Variants in GCNT4 observed in about 807,000 individuals in gnomAD.
GCNT4 encodes the protein beta-1,3-galactosyl-O-glycosyl-glycoprotein beta-1,6-N-acetylglucosaminyltransferase 4.
Under a neutral mutation model 31.3 loss-of-function variants are expected in GCNT4, and 17 were observed. That is an observed-to-expected ratio of 0.54 (90% CI 0.37 to 0.81). GCNT4 has a LOEUF of 0.81. GCNT4 is among the 40% of genes least tolerant of loss of function. GCNT4 has a pLI of 0.00. For synonymous variants in GCNT4, 158 were observed against 190.6 expected (o/e 0.83, Z 1.41); for missense variants, 503 against 525.5 (o/e 0.96, Z 0.42).
In GCNT4 at chr5:75,029,060, G is replaced by T. The variant is rs781625276; in HGVS notation, c.978C>A (p.Ala326=). Residue 326 remains alanine (A), a synonymous_variant, in exon 4 of 4, where the codon GCC becomes GCA. Transcript: ENST00000652361. The stretch of plus-strand genomic sequence containing the variant: ...CAGGAGAGTATGTGTCTTTAGACCA[G>T]GCAAAAAAGTCTTGAACGATGGAGT... The part of the protein sequence containing the change: ...FNNSIVQDFF[A]WSKDTYSPDE... 7.4e-6 allele frequency: 12 copies of T among 1,614,056 alleles called. No individual in the cohort carries two copies. The highest frequency in any genetic ancestry group is 9.3e-6 in the Non-Finnish European group (11 of 1,179,992).
intron 3 of GCNT4, among the ~76,000 whole-genome samples, chr5:75,046,520 G>T (rs1376732151): frequency 6.6e-6 from 1 of 152,152 alleles, no homozygotes; most frequent in Non-Finnish European, 1.5e-5. Flanking sequence ...AGATCTTGTA[G>T]ATGACCATGA....
upstream of GCNT4, among the ~76,000 whole-genome samples, chr5:75,053,924 C>T (rs538637161): frequency 6.6e-6 from 1 of 152,290 alleles, no homozygotes; most frequent in South Asian, 2.1e-4. Flanking sequence ...AAGTCGCTCA[C>T]AAGGCAGTGA....
chr5:75,039,276 C>A (rs55678791), intron 3 of GCNT4, among the ~76,000 whole-genome samples: 35,705 of 151,818 alleles, frequency 0.24, 5,043 homozygotes, highest in African/African-American at 0.4. Flanking sequence ...TATTTTTAGT[C>A]GAGACGGGGG....
Position 75,028,226 on chromosome 5 carries a change from T to TAGATCTCGG in GCNT4, c.*449_*450insCCGAGATCT. 1.9e-5 allele frequency: 3 copies of TAGATCTCGG among 156,142 alleles called. No homozygotes were observed. Among genetic ancestry groups the TAGATCTCGG allele is most frequent in the East Asian group, 1.9e-4 (1 of 5,252 alleles). The allele number at this position is 156,142 out of a possible 1,614,324, so 9.7% of individuals were successfully genotyped here. A position where few individuals can be genotyped will look rare whatever the true frequency, so the allele number is the denominator to read the frequency against. ...GCTGAGTTAAGAGACAAGTGGAGTG[T>TAGATCTCGG]TGGTCACAGTACTTAAACACTACTC... On this transcript the variant is annotated 3_prime_UTR_variant, in exon 4 of 4. Transcript: ENST00000652361.
intron 3 of GCNT4, among the ~76,000 whole-genome samples, chr5:75,040,267 C>G (rs900596435): frequency 6.6e-6 from 1 of 151,976 alleles, no homozygotes; most frequent in Non-Finnish European, 1.5e-5. Flanking sequence ...CAACCTCCGC[C>G]TCCCAGATTA....
chr5:75,044,215 C>G (rs1580245227), intron 3 of GCNT4, among the ~76,000 whole-genome samples: 2 of 152,106 alleles, frequency 1.3e-5, no homozygotes, highest in South Asian at 4.2e-4. Context: ...GCTATCAGTA[C>G]CATGTAGATA....
intron 3 of GCNT4, among the ~76,000 whole-genome samples, chr5:75,035,719 C>A (rs1743182847): frequency 6.6e-6 from 1 of 152,202 alleles, no homozygotes; most frequent in African/African-American, 2.4e-5. Context: ...GGTTTCAAAC[C>A]TCCCTGGGAT....
the GCNT4 span, among the ~76,000 whole-genome samples, chr5:75,018,521 C>T: frequency 5.9e-5 from 9 of 152,100 alleles, no homozygotes; most frequent in Admixed American, 5.9e-4. Context: ...ACCTCGTGAC[C>T]TGCCACCTTG....
At position 75,047,989 on chromosome 5, in the gene GCNT4, A is replaced by G. The variant is rs1490041386; in HGVS notation, c.-94T>C. On this transcript the variant is annotated 5_prime_UTR_variant, in exon 3 of 4. Transcript: ENST00000652361. ...GTCAGTTACTGAGGAGGTGCTACAG[A>G]TGGCTGTACTGGGACAGTGACCGAG... 3.9e-5 allele frequency: 6 copies of G among 152,180 alleles called. No homozygotes were observed. The highest frequency in any genetic ancestry group is 8.8e-5 in the Non-Finnish European group (6 of 68,024). The allele number at this position is 152,180 out of a possible 1,614,324, so 9.4% of individuals were successfully genotyped here. A position where few individuals can be genotyped will look rare whatever the true frequency, so the allele number is the denominator to read the frequency against.
chr5:75,041,310 G>A (rs1418086424), intron 3 of GCNT4, among the ~76,000 whole-genome samples: 1 of 152,210 alleles, frequency 6.6e-6, no homozygotes, highest in Non-Finnish European at 1.5e-5. Context: ...AGTGAGACTG[G>A]CTCAGCTCAG....
chr5:75,024,776 CCT>C (rs1742921976), downstream of GCNT4, among the ~76,000 whole-genome samples: 1 of 151,734 alleles, frequency 6.6e-6, no homozygotes, highest in Admixed American at 6.6e-5. Flanking sequence ...ATAGTGAAAC[CCT>C]GTCTCTACTA....
chr5:75,053,325 G>A (rs1370628073), upstream of GCNT4, among the ~76,000 whole-genome samples: 5 of 151,982 alleles, frequency 3.3e-5, no homozygotes, highest in Non-Finnish European at 5.9e-5. Context: ...CCGGTTCCCC[G>A]CGCGGCTCCG....
At chr5:75,019,453 G>A in the GCNT4 span, among the ~76,000 whole-genome samples, 1 of 152,180 alleles carries the variant, frequency 6.6e-6, no homozygotes, top group Non-Finnish European at 1.5e-5. Flanking sequence ...GCATATTAAT[G>A]CTCACCAGGA....
chr5:75,033,675 T>A (rs981589331), intron 3 of GCNT4, among the ~76,000 whole-genome samples: 6 of 117,848 alleles, frequency 5.1e-5, no homozygotes, highest in Non-Finnish European at 7.3e-5. Context: ...ATTTATTTAT[T>A]TTTTTTTTTT....
chr5:75,023,376 T>C (rs1437374986), downstream of GCNT4, among the ~76,000 whole-genome samples: 1 of 152,168 alleles, frequency 6.6e-6, no homozygotes, highest in Admixed American at 6.5e-5. Flanking sequence ...AGAAGTTGAT[T>C]TATAACAAAC....
the GCNT4 span, among the ~76,000 whole-genome samples, chr5:75,019,936 T>C: frequency 6.6e-6 from 1 of 152,176 alleles, no homozygotes; most frequent in African/African-American, 2.4e-5. Context: ...CAAAGACACA[T>C]ATGATACAGT....
downstream of GCNT4, chr5:75,025,240 T>A (rs1015054516): frequency 6.6e-6 from 1 of 152,186 alleles, no homozygotes; most frequent in African/African-American, 2.4e-5. Flanking sequence ...TACACTGAAG[T>A]GAAATAAACT....
the GCNT4 span, among the ~76,000 whole-genome samples, chr5:75,018,140 G>C: frequency 6.6e-6 from 1 of 152,288 alleles, no homozygotes; most frequent in Admixed American, 6.5e-5. Flanking sequence ...AATTATTGTT[G>C]TTCTCTTGAA....
rs202187660 is a variant in GCNT4 at position 75,031,149 on chromosome 5, A to G, written c.-1-1111T>C. Among the ~76,000 whole-genome samples, 4 of 151,806 alleles carry G rather than the reference A, an allele frequency of 2.6e-5. No homozygotes were observed. In the East Asian group the frequency reaches 7.7e-4, roughly 29 times the overall value. On this transcript the variant is annotated intron_variant, in intron 3 of 3. Coordinates refer to ENST00000652361, the MANE Select transcript of GCNT4 (RefSeq NM_001366737.1). ...GAGTGCAGTGGTACAATCATGGCTCAATGCAGCCTTGAACTCCTGGGCTCA... is the reference window on the plus strand; with the variant it reads ...GAGTGCAGTGGTACAATCATGGCTCGATGCAGCCTTGAACTCCTGGGCTCA...
Sources: gnomAD v4.1 joint callset for allele counts (sites outside exome capture counted in the v4.1 genomes callset) on GRCh38, gnomAD v4.1.1 for gene constraint, MANE v1.5 for transcripts, NCBI Gene and HGNC (gene_info 2026-07-23, HGNC 2026-07-21) for gene names.